Variants in UNC5D observed in about 807,000 individuals in gnomAD.
The protein encoded by UNC5D is netrin receptor UNC5D.
Under a neutral mutation model 105.4 loss-of-function variants are expected in UNC5D, and 39 were observed. The ratio of observed to expected loss-of-function variants is 0.37; its 90% CI spans 0.29 to 0.48. The LOEUF (loss-of-function observed/expected upper bound fraction) is 0.48, where lower values mean the gene tolerates loss of function less well. UNC5D is among the 20% of genes least tolerant of loss of function. UNC5D has a pLI of 0.98. For synonymous variants in UNC5D, 452 were observed against 450.4 expected, an observed-to-expected ratio of 1.00 and a Z score of -0.04; for missense variants, 991 against 1,202.4, an observed-to-expected ratio of 0.82 and a Z score of 2.60.
intron 1 of UNC5D, among the ~76,000 whole-genome samples, chr8:35,506,081 C>T (rs147927333): frequency 1.9e-3 from 282 of 152,166 alleles, no homozygotes; most frequent in African/African-American, 6.2e-3. Context: ...ATGATCTAGA[C>T]GATATTTATT....
At chr8:35,284,007 G>A (rs1226537981) in intron 1 of UNC5D, among the ~76,000 whole-genome samples, 1 of 152,062 alleles carries the variant, frequency 6.6e-6, no homozygotes, top group Non-Finnish European at 1.5e-5. Context: ...AATTTCTCTA[G>A]GAAGTCTTTT....
chr8:35,449,077 A>T (rs931808013), intron 1 of UNC5D, among the ~76,000 whole-genome samples: 7 of 152,198 alleles, frequency 4.6e-5, no homozygotes, highest in African/African-American at 1.7e-4. Context: ...AACATTTTAT[A>T]AAATCCAGTC....
Position 35,674,205 on chromosome 8 carries a change from C to G in UNC5D, c.571-9342C>G, listed in dbSNP as rs1196298680. On this transcript the variant is annotated intron_variant, in intron 4 of 16. Transcript: ENST00000404895. Reference sequence around the variant, plus strand: ...CTTCCTTAGGAGTGATCATAAAAACCTAAAATACATTTTCAAAATTTTCTT... The same window carrying G: ...CTTCCTTAGGAGTGATCATAAAAACGTAAAATACATTTTCAAAATTTTCTT... 2.0e-5 allele frequency among the ~76,000 whole-genome samples: 3 copies of G among 152,242 alleles called. No individual in the cohort carries two copies. In the East Asian group the frequency reaches 5.8e-4, roughly 29 times the overall value.
intron 16 of UNC5D, among the ~76,000 whole-genome samples, chr8:35,788,183 CTGTG>C (rs144295080): frequency 3.4e-5 from 5 of 148,398 alleles, no homozygotes; most frequent in African/African-American, 7.4e-5. Context: ...CTCAGAATTG[CTGTG>C]TGTGTGTGTG....
intron 8 of UNC5D, among the ~76,000 whole-genome samples, chr8:35,718,719 G>C (rs1828398569): frequency 1.3e-5 from 2 of 152,152 alleles, no homozygotes; most frequent in South Asian, 4.1e-4. Flanking sequence ...GCACTGGCTG[G>C]ATTGTCCAGG....
intron 1 of UNC5D, among the ~76,000 whole-genome samples, chr8:35,397,545 C>A (rs1804185693): frequency 6.6e-6 from 1 of 152,192 alleles, no homozygotes; most frequent in Admixed American, 6.5e-5. Flanking sequence ...GCAGATGCTT[C>A]TTGAGAACTC....
intron 4 of UNC5D, among the ~76,000 whole-genome samples, chr8:35,604,689 C>A (rs536962341): frequency 6.6e-6 from 1 of 152,180 alleles, no homozygotes; most frequent in Non-Finnish European, 1.5e-5. Flanking sequence ...ACCAATTAGA[C>A]GTAGATTTGG....
chr8:35,459,599 T>C (rs1030562738), intron 1 of UNC5D, among the ~76,000 whole-genome samples: 2 of 152,004 alleles, frequency 1.3e-5, no homozygotes, highest in Admixed American at 6.6e-5. Flanking sequence ...TTAAGAAGAT[T>C]CATAGCCTCT....
At chr8:35,528,027 T>C (rs1814009497) in intron 1 of UNC5D, among the ~76,000 whole-genome samples, 1 of 149,534 alleles carries the variant, frequency 6.7e-6, no homozygotes, top group Admixed American at 6.7e-5. Flanking sequence ...TCATGAATTC[T>C]AGAAACAGCT....
At chr8:35,594,843 G>A (rs1249969497) in intron 3 of UNC5D, among the ~76,000 whole-genome samples, 1 of 152,168 alleles carries the variant, frequency 6.6e-6, no homozygotes, top group Admixed American at 6.5e-5. Flanking sequence ...ACTGGCAAGC[G>A]AATTAACCTC....
chr8:35,519,949 C>T (rs1813349890), intron 1 of UNC5D, among the ~76,000 whole-genome samples: 1 of 152,082 alleles, frequency 6.6e-6, no homozygotes, highest in South Asian at 2.1e-4. Context: ...AAGTGGAACC[C>T]TCATACATTG....
chr8:35,767,193 C>A, intron 15 of UNC5D, 127 bp downstream of exon 15: 2 of 1,132,970 alleles, frequency 1.8e-6, no homozygotes, highest in Non-Finnish European at 1.2e-6. Context: ...TCTTCATCTT[C>A]ATTACTGATG....
chr8:35,300,984 T>C (rs1323049959), intron 1 of UNC5D, among the ~76,000 whole-genome samples: 1 of 152,192 alleles, frequency 6.6e-6, no homozygotes, highest in Non-Finnish European at 1.5e-5. Context: ...TTTATGTGTA[T>C]ACATCCATGT....
chr8:35,363,557 G>T (rs1389438875), intron 1 of UNC5D, among the ~76,000 whole-genome samples: 1 of 152,122 alleles, frequency 6.6e-6, no homozygotes, highest in African/African-American at 2.4e-5. Flanking sequence ...TTTAGATTGT[G>T]CATTTTCATT....
At chr8:35,590,438 T>C (rs1450041334) in intron 3 of UNC5D, among the ~76,000 whole-genome samples, 1 of 152,174 alleles carries the variant, frequency 6.6e-6, no homozygotes. Flanking sequence ...AATCTAGTTT[T>C]ATTTTTTTTC....
At chr8:35,300,078 AGAAG>A (rs1009545432) in intron 1 of UNC5D, among the ~76,000 whole-genome samples, 12 of 152,166 alleles carry the variant, frequency 7.9e-5, no homozygotes, top group African/African-American at 2.2e-4. Flanking sequence ...AGGAAGGAGT[AGAAG>A]GAAGAGGACC....
intron 1 of UNC5D, among the ~76,000 whole-genome samples, chr8:35,292,913 C>T (rs958805065): frequency 6.6e-6 from 1 of 151,928 alleles, no homozygotes; most frequent in Non-Finnish European, 1.5e-5. Context: ...TGGTCTTGAA[C>T]TCCTGACCTC....
intron 1 of UNC5D, among the ~76,000 whole-genome samples, chr8:35,519,917 A>T (rs1813347415): frequency 6.6e-6 from 1 of 152,118 alleles, no homozygotes; most frequent in African/African-American, 2.4e-5. Context: ...GATGATAATA[A>T]GTGTTTGCAA....
At chr8:35,465,559 C>T (rs1043324058) in intron 1 of UNC5D, among the ~76,000 whole-genome samples, 8 of 152,180 alleles carry the variant, frequency 5.3e-5, no homozygotes, top group Non-Finnish European at 1.0e-4. Context: ...CTTTTCTTTT[C>T]AGTTGTATCC....
Sources: allele counts gnomAD v4.1 joint callset (sites outside exome capture counted in the v4.1 genomes callset), GRCh38; gene constraint gnomAD v4.1.1; transcripts MANE v1.5; gene names NCBI Gene and HGNC (gene_info 2026-07-23, HGNC 2026-07-21).